Variants in CNBD1 observed in about 807,000 individuals in gnomAD.
CNBD1 encodes the protein cyclic nucleotide-binding domain-containing protein 1.
A neutral mutation model predicts 54.4 loss-of-function variants in CNBD1; 71 were observed. The observed-to-expected ratio is 1.30, with a 90% confidence interval of 1.08 to 1.59. The LOEUF is 1.59. Among genes scored for constraint, CNBD1 ranks in the 40% most tolerant of loss-of-function variants. CNBD1 has a pLI of 0.00. For synonymous variants in CNBD1, 182 were observed against 170.7 expected, an observed-to-expected ratio of 1.07 and a Z score of -0.51; for missense variants, 659 against 518.0, an observed-to-expected ratio of 1.27 and a Z score of -2.64.
intron 2 of CNBD1, among the ~76,000 whole-genome samples, chr8:87,419,171 T>C (rs1164720020): frequency 2.0e-5 from 3 of 151,898 alleles, no homozygotes; most frequent in African/African-American, 7.2e-5. Flanking sequence ...AATCTTAAAA[T>C]AACAAAGTCA....
intron 2 of CNBD1, among the ~76,000 whole-genome samples, chr8:87,396,977 C>A (rs962851659): frequency 1.3e-5 from 2 of 149,642 alleles, no homozygotes; most frequent in African/African-American, 4.9e-5. Flanking sequence ...CAATGAATCA[C>A]GTATAACTAA....
rs556643278 is a variant in CNBD1, at chr8:86,871,042, A to G, written c.88+4459A>G. ...AGAAAAGATGGATGTTTTATTGTAA[A>G]GCAAACATTTAGTATTTTTTTCCTA... On this transcript the variant is annotated intron_variant, in intron 1 of 10. Coordinates refer to ENST00000518476, the MANE Select transcript of CNBD1 (RefSeq NM_173538.3). Among the ~76,000 whole-genome samples the G allele has an allele frequency of 1.2e-3, 176 of 152,236 alleles. 1 individual carries two copies. Among genetic ancestry groups the G allele is most frequent in the Non-Finnish European group, 2.0e-3 (136 of 68,040 alleles).
At chr8:87,243,353 C>T (rs935313439) in intron 6 of CNBD1, among the ~76,000 whole-genome samples, 2 of 152,188 alleles carry the variant, frequency 1.3e-5, no homozygotes, top group African/African-American at 4.8e-5. Context: ...GTAAGTTCTG[C>T]ATCAAGTGAC....
chr8:87,276,534 A>T (rs1032209478), intron 6 of CNBD1, among the ~76,000 whole-genome samples: 1 of 151,902 alleles, frequency 6.6e-6, no homozygotes, highest in Non-Finnish European at 1.5e-5. Context: ...AGAAATGGAG[A>T]AACGGAAGTA....
At chr8:87,405,916 G>A (rs1807643723) in intron 2 of CNBD1, among the ~76,000 whole-genome samples, 2 of 152,068 alleles carry the variant, frequency 1.3e-5, no homozygotes, top group East Asian at 1.9e-4. Context: ...CAAACACTAA[G>A]CATCTGTTAT....
At chr8:87,078,585 A>G (rs942954771) in intron 4 of CNBD1, among the ~76,000 whole-genome samples, 1 of 152,174 alleles carries the variant, frequency 6.6e-6, no homozygotes, top group Non-Finnish European at 1.5e-5. Flanking sequence ...AAAGATACTC[A>G]TATGCTTGAT....
intron 5 of CNBD1, among the ~76,000 whole-genome samples, chr8:87,232,084 T>C (rs1383037395): frequency 6.6e-6 from 1 of 152,202 alleles, no homozygotes; most frequent in Non-Finnish European, 1.5e-5. Context: ...CTGAGATTTA[T>C]CCATGTTGTA....
At chr8:86,945,578 G>C (rs1039862986) in intron 4 of CNBD1, among the ~76,000 whole-genome samples, 5 of 152,126 alleles carry the variant, frequency 3.3e-5, no homozygotes, top group African/African-American at 1.2e-4. Context: ...CTATTAATTT[G>C]TGAAAAATAC....
chr8:86,993,693 C>A (rs922043364), intron 4 of CNBD1, among the ~76,000 whole-genome samples: 8 of 152,124 alleles, frequency 5.3e-5, no homozygotes, highest in African/African-American at 1.9e-4. Flanking sequence ...TGGATTCTAG[C>A]CTTTGGTATC....
At chr8:87,263,001 G>A (rs4392918) in intron 6 of CNBD1, among the ~76,000 whole-genome samples, 35,728 of 151,946 alleles carry the variant, frequency 0.24, 4,345 homozygotes, top group South Asian at 0.28. Flanking sequence ...CATTGTGGGC[G>A]CAAGAAGTTG....
At chr8:87,174,613 T>G (rs987145879) in intron 4 of CNBD1, among the ~76,000 whole-genome samples, 11 of 152,186 alleles carry the variant, frequency 7.2e-5, no homozygotes, top group Non-Finnish European at 1.3e-4. Context: ...CATCTTATCC[T>G]GGATGGTCTT....
intron 3 of CNBD1, among the ~76,000 whole-genome samples, chr8:86,922,419 T>G (rs546495284): frequency 3.9e-5 from 6 of 152,104 alleles, no homozygotes; most frequent in Admixed American, 1.3e-4. Context: ...TTTGGAAGTT[T>G]TATGAAGGAA....
chr8:87,115,757 T>G (rs1384972869), intron 4 of CNBD1, among the ~76,000 whole-genome samples: 1 of 152,238 alleles, frequency 6.6e-6, no homozygotes, highest in Non-Finnish European at 1.5e-5. Context: ...TCATGTTTTC[T>G]GTACCTCGTA....
At chr8:87,267,690 T>G (rs764277700) in intron 6 of CNBD1, among the ~76,000 whole-genome samples, 34 of 152,174 alleles carry the variant, frequency 2.2e-4, no homozygotes, top group Non-Finnish European at 4.4e-4. Context: ...GGAAAATGAA[T>G]GGACTACATT....
intron 4 of CNBD1, among the ~76,000 whole-genome samples, chr8:86,964,428 C>T (rs929171445): frequency 6.6e-6 from 1 of 152,222 alleles, no homozygotes; most frequent in African/African-American, 2.4e-5. Context: ...AAATTCTCTG[C>T]CACTTGCAGG....
chr8:87,140,076 A>G (rs1392049112), intron 4 of CNBD1, among the ~76,000 whole-genome samples: 1 of 152,198 alleles, frequency 6.6e-6, no homozygotes, highest in Non-Finnish European at 1.5e-5. Context: ...AATAACTTCA[A>G]GATGGGGATC....
intron 6 of CNBD1, among the ~76,000 whole-genome samples, chr8:87,263,596 C>G (rs1485962515): frequency 1.3e-5 from 2 of 151,860 alleles, no homozygotes; most frequent in Non-Finnish European, 2.9e-5. Flanking sequence ...AGTATGACAT[C>G]CAACGAACAC....
Position 87,309,190 on chromosome 8 carries a change from A to G in CNBD1, c.1042+22519A>G, listed in dbSNP as rs1359066152. Among the ~76,000 whole-genome samples, 5 of 152,146 alleles carry G rather than the reference A, an allele frequency of 3.3e-5. No individual in the cohort carries two copies. The South Asian group carries it at 8.3e-4, about 25-fold the overall frequency. On this transcript the variant is annotated intron_variant, in intron 8 of 10. Transcript: ENST00000518476. ...ACATTTTTAAATAATGGCTTTATTT[A>G]TATTCCTACCAACAATGTATAAGAC...
intron 2 of CNBD1, among the ~76,000 whole-genome samples, chr8:87,404,442 G>T (rs1807620354): frequency 6.6e-6 from 1 of 151,874 alleles, no homozygotes. Context: ...TGGGTACTGA[G>T]TTTCATTTCC....
Sources: gnomAD v4.1 joint callset for allele counts (sites outside exome capture counted in the v4.1 genomes callset) on GRCh38, gnomAD v4.1.1 for gene constraint, MANE v1.5 for transcripts, NCBI Gene and HGNC (gene_info 2026-07-23, HGNC 2026-07-21) for gene names.